SGCD: variants seen among roughly 807,000 people sequenced by gnomAD.
SGCD encodes the protein sarcoglycan delta, also known as delta-sarcoglycan.
Under a neutral mutation model 36.6 loss-of-function variants are expected in SGCD, and 18 were observed. That is an observed-to-expected ratio of 0.49 (90% confidence interval 0.34 to 0.73). The LOEUF is 0.73. SGCD is among the 30% of genes least tolerant of loss of function. The pLI, the probability that SGCD is intolerant of heterozygous loss-of-function variation, is 0.01. For missense variants in SGCD, 387 were observed against 346.7 expected (o/e 1.12, Z -0.92); for synonymous variants, 133 against 130.6 (o/e 1.02, Z -0.12).
intron 7 of SGCD, among the ~76,000 whole-genome samples, chr5:156,694,588 C>T (rs958788147): frequency 1.3e-5 from 2 of 152,138 alleles, no homozygotes; most frequent in Admixed American, 6.6e-5. Flanking sequence ...TATTCTTCAG[C>T]CTTTCCTCTT....
intron 6 of SGCD, among the ~76,000 whole-genome samples, chr5:156,615,461 A>T (rs1167610810): frequency 1.3e-5 from 2 of 152,216 alleles, no homozygotes; most frequent in African/African-American, 4.8e-5. Flanking sequence ...ATAGAAATTC[A>T]AATATGGTTT....
chr5:155,858,145 A>G, the SGCD span, among the ~76,000 whole-genome samples: 1 of 152,056 alleles, frequency 6.6e-6, no homozygotes, highest in Non-Finnish European at 1.5e-5. Context: ...ACTTCAGTCT[A>G]TTGTCTGTGT....
chr5:156,670,594 G>A (rs532808451), intron 7 of SGCD, among the ~76,000 whole-genome samples: 55 of 152,254 alleles, frequency 3.6e-4, no homozygotes, highest in African/African-American at 1.3e-3. Context: ...AAGAGTAATG[G>A]GAGTTTAGAG....
chr5:156,387,357 C>T (rs900472129), intron 3 of SGCD, among the ~76,000 whole-genome samples: 2 of 152,188 alleles, frequency 1.3e-5, no homozygotes. Flanking sequence ...TATCATGCTA[C>T]ACCCTGGCAA....
At chr5:155,943,688 G>C (rs2113415527) in intron 1 of SGCD, among the ~76,000 whole-genome samples, 1 of 152,248 alleles carries the variant, frequency 6.6e-6, no homozygotes, top group Non-Finnish European at 1.5e-5. Flanking sequence ...TAGTCATCCA[G>C]TTCCTCTTTG....
In SGCD at chr5:156,108,085, G is replaced by T. The variant is rs569062908; in HGVS notation, c.-281-9793G>T. On this transcript the variant is annotated intron_variant, in intron 1 of 9. Transcript: ENST00000517913. ...TAATTTGACGAGTTGGTATATTGTT[G>T]GCCATTTAAGAGTTTCTGTTGCAGT... is the stretch of plus-strand genomic sequence containing the variant. Among the ~76,000 whole-genome samples, 262 of 152,092 alleles carry T rather than the reference G, an allele frequency of 1.7e-3. 1 individual carries two copies. The highest frequency in any genetic ancestry group is 5.9e-3 in the African/African-American group (244 of 41,516).
chr5:155,915,398 T>C (rs1756715203), intron 1 of SGCD, among the ~76,000 whole-genome samples: 1 of 152,128 alleles, frequency 6.6e-6, no homozygotes, highest in Non-Finnish European at 1.5e-5. Flanking sequence ...AATCCTTGAC[T>C]AAATATATAA....
At chr5:156,185,629 A>C (rs1174480904) in intron 3 of SGCD, among the ~76,000 whole-genome samples, 1 of 151,640 alleles carries the variant, frequency 6.6e-6, no homozygotes, top group Non-Finnish European at 1.5e-5. Context: ...GATATGTACA[A>C]ATTAACTTGA....
At chr5:156,734,693 C>CTGTT (rs1397571792) in intron 7 of SGCD, among the ~76,000 whole-genome samples, 5 of 152,004 alleles carry the variant, frequency 3.3e-5, no homozygotes, top group African/African-American at 1.2e-4. Context: ...TTCTTGTAGT[C>CTGTT]TGTTTTTTAC....
intron 2 of SGCD, among the ~76,000 whole-genome samples, chr5:156,334,785 A>G (rs896804077): frequency 1.3e-5 from 2 of 152,066 alleles, no homozygotes; most frequent in African/African-American, 4.8e-5. Context: ...GCTCATTGAT[A>G]TATCCCAGAT....
intron 6 of SGCD, among the ~76,000 whole-genome samples, chr5:156,595,920 G>A (rs1581226520): frequency 6.6e-6 from 1 of 152,290 alleles, no homozygotes; most frequent in East Asian, 1.9e-4. Flanking sequence ...ATCTTTTATG[G>A]CTGTATGCTG....
chr5:156,012,999 T>C (rs970241697), intron 1 of SGCD, among the ~76,000 whole-genome samples: 2 of 149,976 alleles, frequency 1.3e-5, no homozygotes, highest in African/African-American at 4.9e-5. Flanking sequence ...TGTCTTTTCA[T>C]TTCCATATAG....
At chr5:156,367,329 A>T (rs1022340212) in intron 3 of SGCD, among the ~76,000 whole-genome samples, 5 of 152,236 alleles carry the variant, frequency 3.3e-5, no homozygotes, top group African/African-American at 1.2e-4. Context: ...TTTAAAAACT[A>T]ACTTTTCAGT....
At chr5:156,134,320 C>T (rs554889409) in intron 3 of SGCD, among the ~76,000 whole-genome samples, 2 of 152,254 alleles carry the variant, frequency 1.3e-5, no homozygotes, top group South Asian at 4.1e-4. Context: ...GCTTTGAAAA[C>T]TATCCCGCTC....
intron 4 of SGCD, among the ~76,000 whole-genome samples, chr5:156,562,731 G>T (rs1759318283): frequency 6.6e-6 from 1 of 151,716 alleles, no homozygotes; most frequent in Non-Finnish European, 1.5e-5. Flanking sequence ...AGGCGATGGT[G>T]GTCTGAGCCA....
At chr5:156,203,277 T>C (rs1764195014) in intron 3 of SGCD, among the ~76,000 whole-genome samples, 2 of 152,126 alleles carry the variant, frequency 1.3e-5, no homozygotes, top group African/African-American at 2.4e-5. Context: ...TAAACCTAGA[T>C]TGTAGGGACT....
intron 1 of SGCD, among the ~76,000 whole-genome samples, chr5:155,925,398 G>A (rs138121029): frequency 6.6e-6 from 1 of 152,322 alleles, no homozygotes; most frequent in East Asian, 1.9e-4. Flanking sequence ...TGAAATGAAA[G>A]TGCCAGCCAA....
the SGCD span, among the ~76,000 whole-genome samples, chr5:155,804,001 C>A: frequency 6.6e-6 from 1 of 152,120 alleles, no homozygotes; most frequent in African/African-American, 2.4e-5. Flanking sequence ...AAAACCAGCA[C>A]CTCTATGGTC....
chr5:155,815,440 C>T, the SGCD span, among the ~76,000 whole-genome samples: 2 of 152,140 alleles, frequency 1.3e-5, no homozygotes, highest in Non-Finnish European at 2.9e-5. Context: ...CCTAGGTTAT[C>T]ACATATATGT....
Sources: gnomAD v4.1 joint callset for allele counts (sites outside exome capture counted in the v4.1 genomes callset) on GRCh38, gnomAD v4.1.1 for gene constraint, MANE v1.5 for transcripts, NCBI Gene and HGNC (gene_info 2026-07-23, HGNC 2026-07-21) for gene names.